The following DEPDC5 variants were observed in gnomAD, a reference collection of about 807,000 sequenced individuals.
The protein encoded by DEPDC5 is GATOR1 complex protein DEPDC5.
Under a neutral mutation model 217.3 loss-of-function variants are expected in DEPDC5, and 73 were observed. The observed-to-expected ratio is 0.34, with a 90% CI of 0.28 to 0.41. DEPDC5 has a LOEUF of 0.41. Ranked by LOEUF, DEPDC5 falls within the 10% of genes least tolerant of loss-of-function variation. The pLI, the probability that DEPDC5 is intolerant of heterozygous loss-of-function variation, is 1.00. For synonymous variants in DEPDC5, 733 were observed against 756.7 expected (o/e 0.97, Z 0.51); for missense variants, 1,675 against 2,070.1 (o/e 0.81, Z 3.70).
chr22:31,772,726 G>C (rs541510858), intron 7 of DEPDC5, among the ~76,000 whole-genome samples: 48 of 151,452 alleles, frequency 3.2e-4, no homozygotes, highest in African/African-American at 8.7e-4. Context: ...AACCTATTCA[G>C]ATCTCTCTCA....
At chr22:31,784,102 A>T (rs1321417637) in intron 9 of DEPDC5, 117 bp downstream of exon 9, 2 of 772,190 alleles carry the variant, frequency 2.6e-6, no homozygotes, top group Non-Finnish European at 4.2e-6. Context: ...TTTAAATATC[A>T]TTGTGAGAAT....
rs775663599 is a variant in DEPDC5, at chr22:31,846,974, G to A, written c.3155+7G>A. On this transcript the variant is annotated splice_region_variant and intron_variant, in intron 31 of 42. Coordinates refer to ENST00000651528, the MANE Select transcript of DEPDC5 (RefSeq NM_001242896.3). Reference sequence around the variant, plus strand: ...AGATGGAGGCCAGTCAGAAGTAAGTGCTTGGTGGAAGACTGACTTGTCCCC... The same window carrying A: ...AGATGGAGGCCAGTCAGAAGTAAGTACTTGGTGGAAGACTGACTTGTCCCC... 6.2e-7 allele frequency: 1 copy of A among 1,614,272 alleles called. No homozygotes were observed. Among genetic ancestry groups the A allele is most frequent in the Non-Finnish European group, 8.5e-7 (1 of 1,180,048 alleles).
Position 31,876,278 on chromosome 22 carries a change from G to A in DEPDC5, c.3805+13G>A, listed in dbSNP as rs1216154001. ...GAGCCCGACCGAGGTTAGAGCCGAG[G>A]CGAATGCGGTTGCCCACAGGGGCAA... On this transcript the variant is annotated intron_variant, in intron 37 of 42. Coordinates refer to ENST00000651528, the MANE Select transcript of DEPDC5 (RefSeq NM_001242896.3). 21 of 1,610,624 alleles carry A rather than the reference G, an allele frequency of 1.3e-5. No individual in the cohort carries two copies. Among genetic ancestry groups the A allele is most frequent in the Non-Finnish European group, 1.8e-5 (21 of 1,178,274 alleles).
intron 20 of DEPDC5, chr22:31,814,520 G>A (rs1363975844): frequency 6.2e-6 from 1 of 161,096 alleles, no homozygotes; most frequent in African/African-American, 2.4e-5. Flanking sequence ...TCTACATTTG[G>A]CTGATTGTTG....
In DEPDC5 at chr22:31,759,520, C is replaced by T. The variant is rs534178657; in HGVS notation, c.146+887C>T. 2.0e-5 allele frequency among the ~76,000 whole-genome samples: 3 copies of T among 150,640 alleles called. No individual in the cohort carries two copies. The East Asian group carries it at 5.9e-4, about 30-fold the overall frequency. ...TCCTGAGTAGCTGGGATTACAGGCG[C>T]GTGCCACCATGCTTGGCTAATTTTT... is the stretch of plus-strand genomic sequence containing the variant. On this transcript the variant is annotated intron_variant, in intron 3 of 42. Transcript: ENST00000651528.
chr22:31,836,840 A>G (rs2091035350), intron 25 of DEPDC5, 132 bp from the exon 26 acceptor site: 22 of 810,448 alleles, frequency 2.7e-5, no homozygotes, highest in Non-Finnish European at 4.1e-5. Context: ...TTTCTTCCCA[A>G]TCCTGGCAAT....
At chr22:31,788,059 C>T (rs1289339750) in intron 10 of DEPDC5, among the ~76,000 whole-genome samples, 4 of 151,638 alleles carry the variant, frequency 2.6e-5, no homozygotes, top group Non-Finnish European at 5.9e-5. Flanking sequence ...AGATATTAAA[C>T]ACCTACTATG....
chr22:31,822,857 G>C, intron 24 of DEPDC5, 67 bp downstream of exon 24: 1 of 1,510,732 alleles, frequency 6.6e-7, no homozygotes, highest in Non-Finnish European at 9.1e-7. Flanking sequence ...AATGACACAA[G>C]GGCCAGAAAA....
At chr22:31,843,287 C>A in intron 28 of DEPDC5, 75 bp downstream of exon 28, 2 of 1,404,966 alleles carry the variant, frequency 1.4e-6, no homozygotes, top group Non-Finnish European at 9.8e-7. Context: ...GTGTATAGTA[C>A]ATCATTCAAA....
rs1402990288 is a variant in DEPDC5, at chr22:31,907,293, T to C, written c.*796T>C. 1 of 152,236 alleles carries C rather than the reference T, an allele frequency of 6.6e-6. No homozygotes were observed. Among genetic ancestry groups the C allele is most frequent in the Non-Finnish European group, 1.5e-5 (1 of 68,052 alleles). 9.4% of individuals were successfully genotyped at this position (152,236 alleles called of 1,614,324 possible). ...GTCAGAATGAATCTTGCTAAATGGGTGAGCTCAGCTCTGGGACGCAGATAT... is the reference window on the plus strand; with the variant it reads ...GTCAGAATGAATCTTGCTAAATGGGCGAGCTCAGCTCTGGGACGCAGATAT... On this transcript the variant is annotated 3_prime_UTR_variant, in exon 43 of 43. Coordinates refer to ENST00000651528, the MANE Select transcript of DEPDC5 (RefSeq NM_001242896.3).
At chr22:31,839,966 AAAAAG>A (rs2091288434) in intron 27 of DEPDC5, among the ~76,000 whole-genome samples, 1 of 152,206 alleles carries the variant, frequency 6.6e-6, no homozygotes, top group Non-Finnish European at 1.5e-5. Flanking sequence ...CCCTGTCTCT[AAAAAG>A]AAAAGAAAAG....
intron 37 of DEPDC5, among the ~76,000 whole-genome samples, chr22:31,877,749 C>CAAAAAA (rs136870): frequency 1.6e-4 from 10 of 62,838 alleles, no homozygotes; most frequent in East Asian, 5.6e-4. Context: ...GACTCCATCT[C>CAAAAAA]AAAAAAAAAA....
intron 7 of DEPDC5, among the ~76,000 whole-genome samples, chr22:31,774,387 T>TG (rs1391155669): frequency 1.3e-5 from 2 of 151,582 alleles, no homozygotes; most frequent in Non-Finnish European, 2.9e-5. Context: ...TTAGTAGAGA[T>TG]GGGGTTTCAC....
intron 12 of DEPDC5, among the ~76,000 whole-genome samples, chr22:31,795,233 C>G (rs754112162): frequency 3.3e-5 from 5 of 151,564 alleles, no homozygotes; most frequent in Non-Finnish European, 7.4e-5. Flanking sequence ...TCACACCTGG[C>G]TAATTTTTTT....
At chr22:31,895,778 G>A (rs1270688063) in intron 39 of DEPDC5, among the ~76,000 whole-genome samples, 1 of 151,074 alleles carries the variant, frequency 6.6e-6, no homozygotes, top group Non-Finnish European at 1.5e-5. Flanking sequence ...CCAGGTCTCT[G>A]TCTGCCTCCA....
At chr22:31,900,004 C>T (rs1297628855) in intron 40 of DEPDC5, among the ~76,000 whole-genome samples, 2 of 152,142 alleles carry the variant, frequency 1.3e-5, no homozygotes, top group African/African-American at 2.4e-5. Flanking sequence ...CTTTTCTGCT[C>T]TCCTCCCCAG....
At chr22:31,811,160 C>G (rs753552689) in intron 20 of DEPDC5, among the ~76,000 whole-genome samples, 2 of 152,064 alleles carry the variant, frequency 1.3e-5, no homozygotes, top group Non-Finnish European at 2.9e-5. Context: ...ACTTCCGCCT[C>G]CTGGGTTCAA....
intron 39 of DEPDC5, among the ~76,000 whole-genome samples, chr22:31,895,653 G>A (rs936610173): frequency 6.6e-6 from 1 of 151,984 alleles, no homozygotes; most frequent in Non-Finnish European, 1.5e-5. Flanking sequence ...CTAAAAGCTA[G>A]GAGATAAGCA....
At chr22:31,838,578 A>C in intron 26 of DEPDC5, 107 bp from the exon 27 acceptor site, 17 of 1,434,212 alleles carry the variant, frequency 1.2e-5, no homozygotes, top group Non-Finnish European at 1.6e-5. Context: ...GAACCACCAT[A>C]GAATGGTTAT....
Sources: gnomAD v4.1 joint callset for allele counts (sites outside exome capture counted in the v4.1 genomes callset) on GRCh38, gnomAD v4.1.1 for gene constraint, MANE v1.5 for transcripts, NCBI Gene and HGNC (gene_info 2026-07-23, HGNC 2026-07-21) for gene names.